The following SLC44A5 variants were observed in gnomAD, a reference collection of about 807,000 sequenced individuals.
SLC44A5 encodes the protein choline transporter-like protein 5.
Under a neutral mutation model 101.8 loss-of-function variants are expected in SLC44A5, and 57 were observed. That is an observed-to-expected ratio of 0.56 (90% CI 0.45 to 0.70). The LOEUF is 0.70. SLC44A5 is among the 30% of genes least tolerant of loss of function. SLC44A5 has a pLI of 0.00. For synonymous variants in SLC44A5, 281 were observed against 290.9 expected, an observed-to-expected ratio of 0.97 and a Z score of 0.35; for missense variants, 737 against 853.1, an observed-to-expected ratio of 0.86 and a Z score of 1.70.
rs529128626 is a variant in SLC44A5, at chr1:75,306,627, T to G, written c.102-5942A>C. On this transcript the variant is annotated intron_variant, in intron 4 of 23. Transcript: ENST00000370859. ...GAGTTTTGTTTGATAAGTGCATATT[T>G]TGGTTTCACACTAGCTCTTATTCTC... Among the ~76,000 whole-genome samples, 4 of 152,216 alleles carry G rather than the reference T, an allele frequency of 2.6e-5. No individual in the cohort carries two copies. The East Asian group carries it at 7.7e-4, about 29-fold the overall frequency.
chr1:75,335,205 C>T (rs1657352098), intron 4 of SLC44A5, among the ~76,000 whole-genome samples: 1 of 152,208 alleles, frequency 6.6e-6, no homozygotes, highest in Admixed American at 6.6e-5. Flanking sequence ...CTGAGCCAAA[C>T]CAGTTATGTA....
chr1:75,678,058 C>T, the SLC44A5 span, among the ~76,000 whole-genome samples: 1 of 152,194 alleles, frequency 6.6e-6, no homozygotes, highest in East Asian at 1.9e-4. Flanking sequence ...TTCCAAAGGG[C>T]TTAGAAAACG....
the SLC44A5 span, among the ~76,000 whole-genome samples, chr1:75,628,537 A>G: frequency 6.6e-6 from 1 of 152,186 alleles, no homozygotes; most frequent in Non-Finnish European, 1.5e-5. Flanking sequence ...GCAATAAGAG[A>G]GTTTAAGGTT....
At chr1:75,527,285 G>GGAGAAAGA (rs960340847) in intron 2 of SLC44A5, among the ~76,000 whole-genome samples, 28 of 138,018 alleles carry the variant, frequency 2.0e-4, no homozygotes, top group African/African-American at 7.9e-4. Context: ...AGGGAGAAAG[G>GGAGAAAGA]GAGAAAGAGA....
chr1:75,256,710 G>A lies in SLC44A5; in HGVS notation c.261-5416C>T, dbSNP rs147767682. On this transcript the variant is annotated intron_variant, in intron 6 of 23. Transcript: ENST00000370859. ...CAGAAAGTAAAAGGTGAAAGGGAAC[G>A]AAAAGATGGACAGAAGGGTAGGGGT... Among the ~76,000 whole-genome samples the A allele has an allele frequency of 4.2e-4, 64 of 152,168 alleles. No individual in the cohort carries two copies. In the East Asian group the frequency reaches 9.7e-3, roughly 23 times the overall value.
At chr1:75,493,501 A>G (rs139292831) in intron 2 of SLC44A5, among the ~76,000 whole-genome samples, 1 of 152,334 alleles carries the variant, frequency 6.6e-6, no homozygotes, top group African/African-American at 2.4e-5. Context: ...CAGCAAATCT[A>G]TTAGAGAAGA....
At chr1:75,711,970 C>A in the SLC44A5 span, among the ~76,000 whole-genome samples, 14 of 152,324 alleles carry the variant, frequency 9.2e-5, no homozygotes, top group South Asian at 2.9e-3. Flanking sequence ...AGTCCTCTCA[C>A]TCTAGTTCTG....
chr1:75,610,970 A>C (rs1675629629), intron 1 of SLC44A5, 70 bp downstream of exon 1: 3 of 534,660 alleles, frequency 5.6e-6, no homozygotes, highest in Non-Finnish European at 7.2e-6. Flanking sequence ...TAGAATACGT[A>C]CTTATGAATA....
intron 5 of SLC44A5, among the ~76,000 whole-genome samples, chr1:75,276,560 G>T (rs1034494407): frequency 6.6e-6 from 1 of 151,974 alleles, no homozygotes; most frequent in Non-Finnish European, 1.5e-5. Flanking sequence ...TTTCTAATTT[G>T]TTACTACAAA....
the SLC44A5 span, among the ~76,000 whole-genome samples, chr1:75,636,050 C>G: frequency 2.0e-5 from 3 of 152,030 alleles, no homozygotes; most frequent in Non-Finnish European, 4.4e-5. Flanking sequence ...AATTCCTCAT[C>G]ATGCACCCCT....
At chr1:75,301,524 A>C (rs183816895) in intron 4 of SLC44A5, among the ~76,000 whole-genome samples, 26 of 152,356 alleles carry the variant, frequency 1.7e-4, no homozygotes, top group Admixed American at 7.8e-4. Flanking sequence ...TGACAGAATT[A>C]AAAGTTGCAC....
chr1:75,602,155 G>A (rs1274391696), intron 1 of SLC44A5, among the ~76,000 whole-genome samples: 2 of 152,082 alleles, frequency 1.3e-5, no homozygotes, highest in Non-Finnish European at 1.5e-5. Context: ...GGTTAAATAG[G>A]TTAAATGCCT....
the SLC44A5 span, among the ~76,000 whole-genome samples, chr1:75,619,975 C>G: frequency 6.6e-6 from 1 of 152,128 alleles, no homozygotes; most frequent in Non-Finnish European, 1.5e-5. Flanking sequence ...AATCCTATCC[C>G]TCCCCTAGTC....
intron 2 of SLC44A5, among the ~76,000 whole-genome samples, chr1:75,453,184 A>T (rs142150734): frequency 1.9e-3 from 283 of 152,088 alleles, no homozygotes; most frequent in African/African-American, 6.1e-3. Context: ...CTCATACTTT[A>T]TCTCAGACCA....
chr1:75,446,198 A>T (rs79233318), intron 2 of SLC44A5, among the ~76,000 whole-genome samples: 29,246 of 152,084 alleles, frequency 0.19, 3,063 homozygotes, highest in Non-Finnish European at 0.24. Flanking sequence ...TCTTGTTCAA[A>T]ACTTTCCATT....
rs1209390331 is a variant in SLC44A5, at chr1:75,218,712, G to T, written c.1307C>A (p.Ala436Asp). ...ACCATAGAAAGCAAAGTTACACAGAGCCCCAGGGCAAGCTTTGGCAATTTC... is the reference window on the plus strand; with the variant it reads ...ACCATAGAAAGCAAAGTTACACAGATCCCCAGGGCAAGCTTTGGCAATTTC... ...TTEIAKACPGALCNFAFYGGK... is the reference protein window; with the variant it reads ...TTEIAKACPGDLCNFAFYGGK... Residue 436 changes from alanine to aspartate, a missense_variant, in exon 17 of 24, where the codon GCT becomes GAT. Ala to Asp is a moderately radical substitution (Grantham distance 126). Transcript: ENST00000370859. 2 of 1,613,284 alleles carry T rather than the reference G, an allele frequency of 1.2e-6. No homozygotes were observed. The highest frequency in any genetic ancestry group is 1.7e-6 in the Non-Finnish European group (2 of 1,179,540).
rs146523141 is a variant in SLC44A5, at chr1:75,510,179, T to C, written c.13+31256A>G. ...GAATTATGGGAGCTACAATTCAAGG[T>C]GAGATTTGGGTGGGGACACAGCCAA... On this transcript the variant is annotated intron_variant, in intron 2 of 23. Coordinates refer to ENST00000370859, the MANE Select transcript of SLC44A5 (RefSeq NM_001130058.2). Among the ~76,000 whole-genome samples, 879 of 152,094 alleles carry C rather than the reference T, an allele frequency of 5.8e-3. 4 individuals are homozygous for C. The highest frequency in any genetic ancestry group is 0.02 in the African/African-American group (842 of 41,468).
At chr1:75,317,770 C>T (rs1010620823) in intron 4 of SLC44A5, among the ~76,000 whole-genome samples, 2 of 152,132 alleles carry the variant, frequency 1.3e-5, no homozygotes, top group South Asian at 2.1e-4. Context: ...GCTCCATCCT[C>T]ACATCACAGA....
the SLC44A5 span, among the ~76,000 whole-genome samples, chr1:75,648,775 A>G: frequency 6.9e-6 from 1 of 143,988 alleles, no homozygotes; most frequent in Admixed American, 7.0e-5. Context: ...GGGAAAAAAA[A>G]GGATTTTTTT....
Sources: gnomAD v4.1 joint callset for allele counts (sites outside exome capture counted in the v4.1 genomes callset) on GRCh38, gnomAD v4.1.1 for gene constraint, MANE v1.5 for transcripts, NCBI Gene and HGNC (gene_info 2026-07-23, HGNC 2026-07-21) for gene names.